The following TTLL1 variants were observed in gnomAD, a reference collection of about 807,000 sequenced individuals.
TTLL1 encodes polyglutamylase complex subunit TTLL1.
In TTLL1, 33 loss-of-function variants were observed where a neutral mutation model predicts 47.8. That is an observed-to-expected ratio of 0.69 (90% CI 0.52 to 0.92). The LOEUF (loss-of-function observed/expected upper bound fraction) is 0.92, where lower values mean the gene tolerates loss of function less well. Among genes scored for constraint, TTLL1 ranks in the 40% least tolerant of loss-of-function variants. The probability of loss-of-function intolerance (pLI) is 0.00; values close to 1 mark genes in which losing one functional copy is unlikely to be tolerated. For missense variants in TTLL1, 488 were observed against 547.5 expected (o/e 0.89, Z 1.08); for synonymous variants, 225 against 214.1 (o/e 1.05, Z -0.45).
At chr22:43,046,763 G>A (rs1464646734) in intron 9 of TTLL1, among the ~76,000 whole-genome samples, 190 bp from the exon 10 acceptor site, 4 of 152,048 alleles carry the variant, frequency 2.6e-5, no homozygotes, top group Non-Finnish European at 5.9e-5. Flanking sequence ...TCCGCCTCCC[G>A]GGCTCAAGCG....
chr22:43,071,772 C>T (rs1764723949), intron 3 of TTLL1, among the ~76,000 whole-genome samples: 1 of 152,224 alleles, frequency 6.6e-6, no homozygotes. Context: ...TTCTACTTCT[C>T]CTTGTGGCAC....
chr22:43,079,630 G>A (rs1238324838), intron 2 of TTLL1, among the ~76,000 whole-genome samples: 1 of 152,184 alleles, frequency 6.6e-6, no homozygotes, highest in African/African-American at 2.4e-5. Context: ...ACCAGCCACT[G>A]ACATCTACCT....
chr22:43,070,160 A>T, intron 3 of TTLL1: 2 of 1,406,670 alleles, frequency 1.4e-6, no homozygotes, highest in Non-Finnish European at 1.9e-6. Flanking sequence ...GTCAACAAAT[A>T]AAAGATATAC....
Position 43,053,341 on chromosome 22 carries a change from T to C in TTLL1, c.892-1454A>G, listed in dbSNP as rs951064963. Among the ~76,000 whole-genome samples, 6 of 152,280 alleles carry C rather than the reference T, an allele frequency of 3.9e-5. 2 individuals are homozygous for C. Among genetic ancestry groups the C allele is most frequent in the African/African-American group, 2.4e-5 (1 of 41,566 alleles). On this transcript the variant is annotated intron_variant, in intron 8 of 10. Coordinates refer to ENST00000266254, the MANE Select transcript of TTLL1 (RefSeq NM_012263.5). ...AGCCTGGACCACCCTCCTCACTCAC[T>C]GAGAGAAAGGGAGGCTCTTGGCTGC...
chr22:43,052,646 G>A (rs554866804), intron 8 of TTLL1, among the ~76,000 whole-genome samples: 23 of 152,106 alleles, frequency 1.5e-4, no homozygotes, highest in Non-Finnish European at 2.5e-4. Flanking sequence ...GACAGCTGGA[G>A]GCTGGGAGGA....
intron 1 of TTLL1, 150 bp downstream of exon 1, chr22:43,089,127 A>C (rs1444756918): frequency 6.6e-6 from 1 of 152,202 alleles, no homozygotes; most frequent in African/African-American, 2.4e-5. Context: ...TTCCTGGAGG[A>C]CGCGGATCCG....
intron 3 of TTLL1, among the ~76,000 whole-genome samples, chr22:43,074,213 G>A (rs112936851): frequency 0.075 from 11,348 of 151,510 alleles, 737 homozygotes; most frequent in East Asian, 0.29. Flanking sequence ...GATCACCTGA[G>A]GTCGGGAGTT....
At chr22:43,079,139 G>A (rs771195540) in intron 2 of TTLL1, among the ~76,000 whole-genome samples, 3 of 92,182 alleles carry the variant, frequency 3.3e-5, no homozygotes, top group Admixed American at 1.2e-4. Context: ...CATGGGAGCC[G>A]CACCCCAGAG....
intron 3 of TTLL1, chr22:43,070,301 T>TG: frequency 1.1e-6 from 1 of 933,026 alleles, no homozygotes; most frequent in Admixed American, 2.4e-5. Flanking sequence ...TTGATATTCT[T>TG]GGAGAGTCTG....
rs759825549 is a variant in TTLL1 at position 43,086,169 on chromosome 22, C to T, written c.-90+3108G>A. Among the ~76,000 whole-genome samples, 13 of 152,302 alleles carry T rather than the reference C, an allele frequency of 8.5e-5. No homozygotes were observed. The East Asian group carries it at 9.6e-4, about 11-fold the overall frequency. On this transcript the variant is annotated intron_variant, in intron 1 of 10. Coordinates refer to ENST00000266254, the MANE Select transcript of TTLL1 (RefSeq NM_012263.5). ...AAGTGGGGTTAAGGGTACTGAGTAA[C>T]GTGTTATTATCTCTCCTGGTTCACG...
intron 8 of TTLL1, among the ~76,000 whole-genome samples, chr22:43,058,822 G>A (rs1389367753): frequency 1.3e-5 from 2 of 151,982 alleles, no homozygotes; most frequent in African/African-American, 2.4e-5. Flanking sequence ...AGCCTCCCAA[G>A]TAGCTGAGAT....
Position 43,059,408 on chromosome 22 carries a change from G to T in TTLL1, c.867C>A (p.Ile289=). The T allele has an allele frequency of 6.2e-7, 1 of 1,613,748 alleles. No individual in the cohort carries two copies. Among genetic ancestry groups the T allele is most frequent in the Non-Finnish European group, 8.5e-7 (1 of 1,179,858 alleles). The change falls in exon 8 of 11, where the codon ATC becomes ATA. Residue 289 remains isoleucine (I), a synonymous_variant. Coordinates refer to ENST00000266254, the MANE Select transcript of TTLL1 (RefSeq NM_012263.5). ...CCGCCACAGCCTTCAGGGACTGCACGATGATCCAGTGGATCTCGTCGAACA... is the reference window on the plus strand; with the variant it reads ...CCGCCACAGCCTTCAGGGACTGCACTATGATCCAGTGGATCTCGTCGAACA... ...SKLFDEIHWI[I]VQSLKAVAPV...
intron 10 of TTLL1, among the ~76,000 whole-genome samples, chr22:43,044,708 T>G (rs1925964995): frequency 6.6e-6 from 1 of 152,124 alleles, no homozygotes; most frequent in African/African-American, 2.4e-5. Context: ...GTTTCCCTGC[T>G]CATGCATTCG....
At chr22:43,071,912 T>C (rs1259409815) in intron 3 of TTLL1, among the ~76,000 whole-genome samples, 1 of 152,208 alleles carries the variant, frequency 6.6e-6, no homozygotes, top group Admixed American at 6.5e-5. Flanking sequence ...TGCACTGCCA[T>C]GTACAACACC....
In TTLL1 at chr22:43,059,438, G is replaced by T; in HGVS notation, c.837C>A (p.Ser279Arg). The change falls in exon 8 of 11, where the codon AGC (serine) becomes AGA (arginine). Residue 279 changes from serine to arginine, a missense_variant. Transcript: ENST00000266254. Reference sequence around the variant, plus strand: ...TCCAGTGGATCTCGTCGAACAGCTTGCTGGTCACCTCCTTGCCGCGGGTGC... The same window carrying T: ...TCCAGTGGATCTCGTCGAACAGCTTTCTGGTCACCTCCTTGCCGCGGGTGC... ...LESTRGKEVT[S>R]KLFDEIHWII... is the part of the protein sequence containing the mutation. 1 of 1,614,070 alleles carries T rather than the reference G, an allele frequency of 6.2e-7. No homozygotes were observed. Among genetic ancestry groups the T allele is most frequent in the African/African-American group, 1.3e-5 (1 of 75,016 alleles).
At chr22:43,071,432 TAG>T (rs1024961434) in intron 3 of TTLL1, among the ~76,000 whole-genome samples, 15 of 151,988 alleles carry the variant, frequency 9.9e-5, no homozygotes, top group African/African-American at 3.6e-4. Flanking sequence ...TTTTTGGAGA[TAG>T]AGTTTTACTC....
chr22:43,040,033 A>C, intron 10 of TTLL1, 128 bp from the exon 11 acceptor site: 17 of 1,295,728 alleles, frequency 1.3e-5, no homozygotes, highest in East Asian at 5.2e-5. Context: ...CACCCTCGCG[A>C]CTCCTGCTGG....
At chr22:43,057,030 G>A (rs1927062386) in intron 8 of TTLL1, among the ~76,000 whole-genome samples, 1 of 152,136 alleles carries the variant, frequency 6.6e-6, no homozygotes, top group Non-Finnish European at 1.5e-5. Flanking sequence ...CCAGCACTTT[G>A]GGAGGCTGAG....
At chr22:43,045,611 T>TA (rs1190235444) in intron 10 of TTLL1, among the ~76,000 whole-genome samples, 2 of 151,766 alleles carry the variant, frequency 1.3e-5, no homozygotes, top group Non-Finnish European at 2.9e-5. Context: ...GCACCTGGTC[T>TA]ATTATACCAA....
Sources: gnomAD v4.1 joint callset for allele counts (sites outside exome capture counted in the v4.1 genomes callset) on GRCh38, gnomAD v4.1.1 for gene constraint, MANE v1.5 for transcripts, NCBI Gene and HGNC (gene_info 2026-07-23, HGNC 2026-07-21) for gene names.